Variants in SRFBP1 observed in about 807,000 individuals in gnomAD.
The protein encoded by SRFBP1 is serum response factor-binding protein 1.
In SRFBP1, 47 loss-of-function variants were observed where a neutral mutation model predicts 45.5. That is an observed-to-expected ratio of 1.03 (90% CI 0.82 to 1.32). SRFBP1 has a LOEUF of 1.32. Ranked by LOEUF, SRFBP1 falls within the 40% of genes most tolerant of loss-of-function variation. The pLI is 0.00. For missense variants in SRFBP1, 621 were observed against 484.6 expected, an observed-to-expected ratio of 1.28 and a Z score of -2.64; for synonymous variants, 203 against 166.3, an observed-to-expected ratio of 1.22 and a Z score of -1.70.
chr5:122,053,303 G>A (rs1457727263), intron 2 of SRFBP1, among the ~76,000 whole-genome samples: 1 of 152,146 alleles, frequency 6.6e-6, no homozygotes, highest in Non-Finnish European at 1.5e-5. Context: ...TGTTTCCAGG[G>A]TAAGAAGAAG....
At chr5:122,072,167 A>G (rs543476807) in intron 2 of SRFBP1, among the ~76,000 whole-genome samples, 38 of 152,338 alleles carry the variant, frequency 2.5e-4, no homozygotes, top group African/African-American at 8.9e-4. Flanking sequence ...AGATGGGTTT[A>G]CATAATGCTT....
intron 2 of SRFBP1, among the ~76,000 whole-genome samples, chr5:122,060,410 T>C (rs1368407156): frequency 6.6e-6 from 1 of 152,032 alleles, no homozygotes; most frequent in Non-Finnish European, 1.5e-5. Context: ...TCCTCCACTT[T>C]CCCATCACAC....
chr5:121,998,169 A>G (rs1254393923), intron 4 of SRFBP1, among the ~76,000 whole-genome samples: 1 of 151,788 alleles, frequency 6.6e-6, no homozygotes, highest in Non-Finnish European at 1.5e-5. Flanking sequence ...TACTGGGTAT[A>G]TACCCAAATG....
intron 2 of SRFBP1, chr5:122,063,080 AT>A (rs1172815857): frequency 2.0e-5 from 3 of 152,038 alleles, no homozygotes; most frequent in African/African-American, 7.2e-5. Flanking sequence ...TAATTAAACA[AT>A]TTTTTAGTAC....
chr5:122,057,618 C>T (rs1428049072), intron 2 of SRFBP1, among the ~76,000 whole-genome samples: 2 of 150,784 alleles, frequency 1.3e-5, no homozygotes, highest in African/African-American at 4.9e-5. Flanking sequence ...TGTGCCACCA[C>T]TCCTGGACTG....
At chr5:122,010,987 C>T (rs1753081295) in intron 4 of SRFBP1, among the ~76,000 whole-genome samples, 1 of 152,042 alleles carries the variant, frequency 6.6e-6, no homozygotes, top group African/African-American at 2.4e-5. Flanking sequence ...CCCCAATTCT[C>T]GTGATACAGC....
At chr5:122,004,102 G>A (rs1752932946) in intron 4 of SRFBP1, among the ~76,000 whole-genome samples, 1 of 152,048 alleles carries the variant, frequency 6.6e-6, no homozygotes, top group African/African-American at 2.4e-5. Context: ...GCAAGTTCTG[G>A]TGTAGCAAGT....
intron 2 of SRFBP1, among the ~76,000 whole-genome samples, chr5:122,042,470 C>T (rs1201057863): frequency 1.3e-5 from 2 of 152,046 alleles, no homozygotes; most frequent in Non-Finnish European, 2.9e-5. Context: ...CCAGGCTATT[C>T]TTGAACCCTG....
chr5:122,017,800 T>C (rs1355316203), intron 4 of SRFBP1, among the ~76,000 whole-genome samples: 1 of 152,248 alleles, frequency 6.6e-6, no homozygotes, highest in Non-Finnish European at 1.5e-5. Context: ...TATTTGACTG[T>C]TCACAATGAA....
At chr5:122,012,864 G>GT (rs1753122338) in intron 4 of SRFBP1, among the ~76,000 whole-genome samples, 1 of 151,986 alleles carries the variant, frequency 6.6e-6, no homozygotes, top group Non-Finnish European at 1.5e-5. Flanking sequence ...GAAGTAATTG[G>GT]TAATATCCTC....
chr5:122,037,128 C>T (rs552949210), intron 2 of SRFBP1, among the ~76,000 whole-genome samples: 1 of 152,250 alleles, frequency 6.6e-6, no homozygotes, highest in Non-Finnish European at 1.5e-5. Context: ...CAACTCCCGA[C>T]CTCAGGTGAT....
At chr5:121,991,999 G>A (rs1561582912) in intron 3 of SRFBP1, among the ~76,000 whole-genome samples, 1 of 152,084 alleles carries the variant, frequency 6.6e-6, no homozygotes, top group South Asian at 2.1e-4. Context: ...GTGTTTGTCC[G>A]AATAATATGG....
chr5:121,977,493 A>T (rs1752327067), intron 3 of SRFBP1, among the ~76,000 whole-genome samples: 1 of 152,104 alleles, frequency 6.6e-6, no homozygotes, highest in African/African-American at 2.4e-5. Context: ...GTCTTTTCTA[A>T]ACAAAGCAAA....
intron 2 of SRFBP1, chr5:122,065,192 C>T (rs929869720): frequency 5.3e-5 from 8 of 151,988 alleles, no homozygotes; most frequent in Admixed American, 4.6e-4. Flanking sequence ...GATGACTGTC[C>T]ATCTCTAGCC....
At chr5:122,004,647 G>A (rs964565449) in intron 4 of SRFBP1, among the ~76,000 whole-genome samples, 3 of 151,740 alleles carry the variant, frequency 2.0e-5, no homozygotes, top group Admixed American at 6.6e-5. Flanking sequence ...TTTTTCTCAC[G>A]TCTCTCTCAT....
At chr5:122,025,355 C>G (rs545708000) in intron 7 of SRFBP1, among the ~76,000 whole-genome samples, 4 of 152,260 alleles carry the variant, frequency 2.6e-5, no homozygotes, top group South Asian at 2.1e-4. Flanking sequence ...TTAATCCAGT[C>G]TATCATTGTT....
chr5:122,058,143 C>T (rs1754113680), intron 2 of SRFBP1, among the ~76,000 whole-genome samples: 1 of 152,074 alleles, frequency 6.6e-6, no homozygotes, highest in Non-Finnish European at 1.5e-5. Context: ...TTCTTGATAG[C>T]ATTATAGGGT....
chr5:122,052,044 AT>A (rs373751345), intron 2 of SRFBP1, among the ~76,000 whole-genome samples: 27 of 152,008 alleles, frequency 1.8e-4, no homozygotes, highest in African/African-American at 6.5e-4. Context: ...TTGGTTGGAA[AT>A]TTTTTTCTTT....
intron 2 of SRFBP1, among the ~76,000 whole-genome samples, chr5:122,036,635 C>T (rs949495680): frequency 6.6e-6 from 1 of 152,108 alleles, no homozygotes; most frequent in African/African-American, 2.4e-5. Context: ...ATGTGATTGA[C>T]CCTGTGTAAA....
Sources: allele counts gnomAD v4.1 joint callset (sites outside exome capture counted in the v4.1 genomes callset), GRCh38; gene constraint gnomAD v4.1.1; transcripts MANE v1.5; gene names NCBI Gene and HGNC (gene_info 2026-07-23, HGNC 2026-07-21).